SDK1: variants seen among roughly 807,000 people sequenced by gnomAD.
The protein encoded by SDK1 is protein sidekick-1.
SDK1 carries 157 observed loss-of-function variants against 245.5 expected under a neutral mutation model. The ratio of observed to expected loss-of-function variants is 0.64; its 90% CI spans 0.56 to 0.73. The LOEUF is 0.73. Ranked by LOEUF, SDK1 falls within the 30% of genes least tolerant of loss-of-function variation. The probability of loss-of-function intolerance (pLI) is 0.00; values close to 1 mark genes in which losing one functional copy is unlikely to be tolerated. For missense variants in SDK1, 3,583 were observed against 3,002.3 expected, an observed-to-expected ratio of 1.19 and a Z score of -4.52; for synonymous variants, 1,647 against 1,278.5, an observed-to-expected ratio of 1.29 and a Z score of -6.15.
intron 5 of SDK1, among the ~76,000 whole-genome samples, chr7:3,885,590 C>G (rs1042499085): frequency 6.6e-6 from 1 of 152,220 alleles, no homozygotes; most frequent in Admixed American, 6.5e-5. Flanking sequence ...GCCTTCCTCC[C>G]TCTTGATGGT....
intron 2 of SDK1, among the ~76,000 whole-genome samples, chr7:3,634,288 C>G (rs886377114): frequency 6.6e-5 from 10 of 152,132 alleles, no homozygotes; most frequent in African/African-American, 1.9e-4. Context: ...TGTTCCTGGG[C>G]TGAGATGGAC....
chr7:3,789,135 A>G (rs1322742822), intron 4 of SDK1, among the ~76,000 whole-genome samples: 1 of 152,134 alleles, frequency 6.6e-6, no homozygotes, highest in East Asian at 1.9e-4. Flanking sequence ...AACCGGGGAA[A>G]GTAATTCCAC....
intron 5 of SDK1, among the ~76,000 whole-genome samples, chr7:3,948,251 CTTTTTTTTTT>C (rs34746302): frequency 5.0e-5 from 4 of 79,668 alleles, no homozygotes; most frequent in African/African-American, 2.2e-4. Context: ...ATCACCATTG[CTTTTTTTTTT>C]TTTTTTTTTT....
intron 1 of SDK1, among the ~76,000 whole-genome samples, chr7:3,481,464 G>C (rs1399238673): frequency 1.3e-5 from 2 of 152,236 alleles, no homozygotes; most frequent in Non-Finnish European, 2.9e-5. Context: ...ACGCTGTTCT[G>C]TGCTCCCAGA....
intron 1 of SDK1, among the ~76,000 whole-genome samples, chr7:3,328,215 T>C (rs956496434): frequency 7.2e-5 from 11 of 152,164 alleles, no homozygotes; most frequent in Non-Finnish European, 1.0e-4. Flanking sequence ...ACAAATGATA[T>C]TTAAAAAATA....
intron 1 of SDK1, among the ~76,000 whole-genome samples, chr7:3,532,445 G>A (rs567088203): frequency 1.3e-5 from 2 of 152,150 alleles, no homozygotes; most frequent in African/African-American, 2.4e-5. Flanking sequence ...CTCCTGGTAC[G>A]TTAGGTCTCA....
chr7:3,598,634 G>T (rs1177449016), intron 1 of SDK1, among the ~76,000 whole-genome samples: 1 of 152,018 alleles, frequency 6.6e-6, no homozygotes, highest in East Asian at 1.9e-4. Context: ...CCCATCCCTG[G>T]CCCTGGCAAA....
chr7:3,464,722 A>G (rs1345655176), intron 1 of SDK1, among the ~76,000 whole-genome samples: 6 of 151,840 alleles, frequency 4.0e-5, no homozygotes. Context: ...ATATACACAC[A>G]CACACATATA....
At position 3,338,631 on chromosome 7, in the gene SDK1, CAA is replaced by C. The variant is rs5881978; in HGVS notation, c.298+36755_298+36756del. 14 of 185,644 alleles carry C rather than the reference CAA, an allele frequency of 7.5e-5. No individual in the cohort carries two copies. In the South Asian group the frequency reaches 1.9e-3, roughly 25 times the overall value. 11.5% of individuals were successfully genotyped at this position (185,644 alleles called of 1,614,324 possible). Reference sequence around the variant, plus strand: ...TGTTAAAAACAAACAAACAAACAAACAAAAAAAAACACCAAAACAAGAAAATA... The same window carrying C: ...TGTTAAAAACAAACAAACAAACAAACAAAAAAACACCAAAACAAGAAAATA... On this transcript the variant is annotated intron_variant, in intron 1 of 44. Transcript: ENST00000404826.
At chr7:4,203,647 C>G (rs1784021642) in intron 35 of SDK1, among the ~76,000 whole-genome samples, 1 of 152,096 alleles carries the variant, frequency 6.6e-6, no homozygotes, top group Non-Finnish European at 1.5e-5. Flanking sequence ...AAACTGCACA[C>G]GCTTTACGGA....
At chr7:3,712,247 T>C (rs1222990441) in intron 4 of SDK1, among the ~76,000 whole-genome samples, 2 of 152,160 alleles carry the variant, frequency 1.3e-5, no homozygotes, top group Admixed American at 6.5e-5. Flanking sequence ...AGTGGCAGCA[T>C]ATGATTCTCA....
intron 1 of SDK1, among the ~76,000 whole-genome samples, chr7:3,355,870 T>G (rs2128559326): frequency 6.6e-6 from 1 of 152,298 alleles, no homozygotes; most frequent in South Asian, 2.1e-4. Context: ...TCTGCAGTCT[T>G]CCCTCTAGAG....
intron 1 of SDK1, among the ~76,000 whole-genome samples, chr7:3,393,097 A>G (rs1162926569): frequency 2.0e-5 from 3 of 148,212 alleles, no homozygotes; most frequent in African/African-American, 5.0e-5. Flanking sequence ...CAGTCTCCTG[A>G]GTAGCTGAGA....
At position 3,991,706 on chromosome 7, in the gene SDK1, G is replaced by A. The variant is rs907680258; in HGVS notation, c.2131+4384G>A. Among the ~76,000 whole-genome samples, 4 of 152,194 alleles carry A rather than the reference G, an allele frequency of 2.6e-5. No individual in the cohort carries two copies. In the South Asian group the frequency reaches 8.3e-4, roughly 31 times the overall value. On this transcript the variant is annotated intron_variant, in intron 14 of 44. Transcript: ENST00000404826. The stretch of plus-strand genomic sequence containing the variant: ...TGGAGTGTGGGTATTGTGGCATGCA[G>A]AATCTAGAGTGGGTACCATGGTTGC...
chr7:4,143,632 C>T (rs1584277403), intron 28 of SDK1, among the ~76,000 whole-genome samples: 1 of 152,308 alleles, frequency 6.6e-6, no homozygotes, highest in Non-Finnish European at 1.5e-5. Flanking sequence ...CCGCTAGCTT[C>T]TATTGGAGAG....
At chr7:3,570,473 G>T (rs1780076124) in intron 1 of SDK1, among the ~76,000 whole-genome samples, 1 of 152,124 alleles carries the variant, frequency 6.6e-6, no homozygotes, top group Non-Finnish European at 1.5e-5. Flanking sequence ...CCCGTCCACA[G>T]CCCGGAGTTG....
intron 40 of SDK1, among the ~76,000 whole-genome samples, chr7:4,222,359 A>G (rs536643914): frequency 3.9e-5 from 6 of 152,234 alleles, no homozygotes; most frequent in Admixed American, 3.3e-4. Context: ...CAGTGGTGCA[A>G]TCTCAGCTCC....
At chr7:4,166,617 A>G (rs887049485) in intron 32 of SDK1, among the ~76,000 whole-genome samples, 1 of 152,314 alleles carries the variant, frequency 6.6e-6, no homozygotes, top group African/African-American at 2.4e-5. Flanking sequence ...AACTCCGGAG[A>G]GAATCCCTGT....
intron 37 of SDK1, among the ~76,000 whole-genome samples, chr7:4,209,408 C>A (rs565306966): frequency 6.6e-6 from 1 of 152,200 alleles, no homozygotes; most frequent in Non-Finnish European, 1.5e-5. Context: ...CCACCTTACA[C>A]GGCGCCCGGG....
Sources: gnomAD v4.1 joint callset for allele counts (sites outside exome capture counted in the v4.1 genomes callset) on GRCh38, gnomAD v4.1.1 for gene constraint, MANE v1.5 for transcripts, NCBI Gene and HGNC (gene_info 2026-07-23, HGNC 2026-07-21) for gene names.